The following DPH6 variants were observed in gnomAD, a reference collection of about 807,000 sequenced individuals.
The protein encoded by DPH6 is diphthamine biosynthesis 6.
A neutral mutation model predicts 38.2 loss-of-function variants in DPH6; 33 were observed. That is an observed-to-expected ratio of 0.86 (90% confidence interval 0.65 to 1.15). The LOEUF (loss-of-function observed/expected upper bound fraction) is 1.15. Among genes scored for constraint, DPH6 ranks in the 50% most tolerant of loss-of-function variants. DPH6 has a pLI of 0.00. For synonymous variants in DPH6, 108 were observed against 103.0 expected, an observed-to-expected ratio of 1.05 and a Z score of -0.30; for missense variants, 325 against 320.0, an observed-to-expected ratio of 1.02 and a Z score of -0.12.
At chr15:35,276,015 A>AATC (rs1254344440) in intron 3 of DPH6, among the ~76,000 whole-genome samples, 1 of 152,174 alleles carries the variant, frequency 6.6e-6, no homozygotes, top group Non-Finnish European at 1.5e-5. Flanking sequence ...TTCTTTAAGG[A>AATC]ATCTCCACAC....
At chr15:35,249,155 C>T (rs2051655424) in intron 3 of DPH6, among the ~76,000 whole-genome samples, 1 of 152,106 alleles carries the variant, frequency 6.6e-6, no homozygotes, top group African/African-American at 2.4e-5. Flanking sequence ...GGAAAGCATT[C>T]CCTTTACTGA....
chr15:35,507,042 ATCT>A (rs1414822076), intron 3 of DPH6, among the ~76,000 whole-genome samples: 8 of 152,284 alleles, frequency 5.3e-5, no homozygotes, highest in African/African-American at 1.4e-4. Context: ...GCACTTAGTC[ATCT>A]TCTTGTTTTT....
At chr15:35,437,922 T>C (rs553744347) in intron 5 of DPH6, among the ~76,000 whole-genome samples, 157 of 152,326 alleles carry the variant, frequency 1.0e-3, no homozygotes, top group African/African-American at 3.7e-3. Flanking sequence ...TGCATGACCT[T>C]TACCATTTGT....
chr15:35,308,470 T>C (rs1392810389), intron 3 of DPH6, among the ~76,000 whole-genome samples: 1 of 151,780 alleles, frequency 6.6e-6, no homozygotes, highest in African/African-American at 2.4e-5. Context: ...TTGTCAGGTA[T>C]GGTGAGGGGT....
chr15:35,215,215 CAG>C (rs2051404950), downstream of DPH6, among the ~76,000 whole-genome samples: 1 of 152,280 alleles, frequency 6.6e-6, no homozygotes, highest in East Asian at 1.9e-4. Flanking sequence ...TAGAGAATGT[CAG>C]AGTCAAGAGT....
intron 3 of DPH6, among the ~76,000 whole-genome samples, chr15:35,354,431 T>G (rs2052542219): frequency 6.6e-6 from 1 of 152,198 alleles, no homozygotes; most frequent in South Asian, 2.1e-4. Context: ...CATAGATAGC[T>G]CTTATTATTT....
At chr15:35,256,620 T>C (rs2051709824) in intron 3 of DPH6, among the ~76,000 whole-genome samples, 1 of 152,218 alleles carries the variant, frequency 6.6e-6, no homozygotes, top group South Asian at 2.1e-4. Flanking sequence ...AAGTACTTCA[T>C]TGCTAATTAG....
chr15:35,374,026 T>A (rs939105071), intron 7 of DPH6, among the ~76,000 whole-genome samples: 2 of 152,040 alleles, frequency 1.3e-5, no homozygotes, highest in Non-Finnish European at 2.9e-5. Context: ...ATCTCAATTA[T>A]CCTTCACAAA....
At chr15:35,374,860 C>T (rs2052760323) in intron 7 of DPH6, among the ~76,000 whole-genome samples, 1 of 152,060 alleles carries the variant, frequency 6.6e-6, no homozygotes, top group Non-Finnish European at 1.5e-5. Context: ...CTTGCTACCA[C>T]CTGTCCCTCT....
intron 3 of DPH6, among the ~76,000 whole-genome samples, chr15:35,348,111 C>A (rs2052478130): frequency 6.6e-6 from 1 of 152,020 alleles, no homozygotes; most frequent in Admixed American, 6.6e-5. Context: ...ACTTTTCATT[C>A]TGTTGATTAT....
the DPH6 span, among the ~76,000 whole-genome samples, chr15:35,192,869 TGATGATAA>T: frequency 6.6e-6 from 1 of 152,214 alleles, no homozygotes; most frequent in Non-Finnish European, 1.5e-5. Context: ...AGAACCTATG[TGATGATAA>T]GGAATGAACA....
At chr15:35,194,369 C>CAGAGACGAG in the DPH6 span, among the ~76,000 whole-genome samples, 200 of 144,748 alleles carry the variant, frequency 1.4e-3, 1 homozygote, top group Admixed American at 7.4e-3. Flanking sequence ...TTCCTTTTTC[C>CAGAGACGAG]AGAGAGAGAG....
intron 5 of DPH6, among the ~76,000 whole-genome samples, chr15:35,425,174 T>C (rs2053553461): frequency 6.6e-6 from 1 of 151,536 alleles, no homozygotes; most frequent in Admixed American, 6.6e-5. Context: ...TACATAAATG[T>C]TGGGCTCTCA....
At chr15:35,401,276 G>T in intron 6 of DPH6, 1 of 910,696 alleles carries the variant, frequency 1.1e-6, no homozygotes, top group East Asian at 2.4e-5. Context: ...TGTGGAGACA[G>T]TTTCGGTGGG....
chr15:35,484,571 G>A (rs2054371596), intron 3 of DPH6, among the ~76,000 whole-genome samples: 2 of 152,212 alleles, frequency 1.3e-5, no homozygotes, highest in Admixed American at 1.3e-4. Context: ...TTGCCATGTG[G>A]ACCCCTCCAT....
intron 3 of DPH6, among the ~76,000 whole-genome samples, chr15:35,477,173 G>T (rs2054273250): frequency 6.6e-6 from 1 of 151,610 alleles, no homozygotes; most frequent in Non-Finnish European, 1.5e-5. Flanking sequence ...AACCCTAGAG[G>T]TTTACTGCTA....
chr15:35,520,561 TAGCATACAC>T, intron 3 of DPH6: 1 of 984,756 alleles, frequency 1.0e-6, no homozygotes, highest in Non-Finnish European at 1.2e-6. Context: ...ACAATAAGAC[TAGCATACAC>T]AGCATAAAGC....
intron 3 of DPH6, among the ~76,000 whole-genome samples, chr15:35,292,383 G>A (rs937035666): frequency 1.3e-5 from 2 of 152,088 alleles, no homozygotes; most frequent in African/African-American, 4.8e-5. Context: ...TGGTTACTCT[G>A]AAAGATATCT....
intron 3 of DPH6, among the ~76,000 whole-genome samples, chr15:35,268,156 C>T (rs1311222318): frequency 2.7e-5 from 4 of 148,524 alleles, no homozygotes; most frequent in African/African-American, 5.0e-5. Flanking sequence ...GGCGACAGAG[C>T]GAGACTCTGT....
Sources: gnomAD v4.1 joint callset for allele counts (sites outside exome capture counted in the v4.1 genomes callset) on GRCh38, gnomAD v4.1.1 for gene constraint, MANE v1.5 for transcripts, NCBI Gene and HGNC (gene_info 2026-07-23, HGNC 2026-07-21) for gene names.